GABRB1: variants seen among roughly 807,000 people sequenced by gnomAD.
GABRB1 encodes the protein gamma-aminobutyric acid type A receptor subunit beta1.
GABRB1 carries 17 observed loss-of-function variants against 51.6 expected under a neutral mutation model. The observed-to-expected ratio is 0.33, with a 90% CI of 0.23 to 0.49. The LOEUF (loss-of-function observed/expected upper bound fraction) is 0.49. GABRB1 is among the 20% of genes least tolerant of loss of function. The pLI is 0.99. For synonymous variants in GABRB1, 247 were observed against 218.9 expected, an observed-to-expected ratio of 1.13 and a Z score of -1.14; for missense variants, 410 against 600.6, an observed-to-expected ratio of 0.68 and a Z score of 3.32.
intron 1 of GABRB1, among the ~76,000 whole-genome samples, chr4:46,996,334 C>T (rs1289002483): frequency 6.6e-6 from 1 of 151,856 alleles, no homozygotes; most frequent in African/African-American, 2.4e-5. Flanking sequence ...GTACACTATC[C>T]CCAAATATCA....
intron 4 of GABRB1, among the ~76,000 whole-genome samples, chr4:47,297,097 C>A (rs1447792663): frequency 1.3e-5 from 2 of 152,092 alleles, no homozygotes; most frequent in African/African-American, 4.8e-5. Context: ...ATCTCTGGGA[C>A]ACATTCAAAG....
chr4:47,294,220 G>T (rs1472814837), intron 4 of GABRB1, among the ~76,000 whole-genome samples: 3 of 152,254 alleles, frequency 2.0e-5, no homozygotes, highest in East Asian at 1.9e-4. Context: ...TGAGGTACTG[G>T]GTTCATCTCA....
At chr4:47,379,238 T>C (rs1727507279) in intron 5 of GABRB1, among the ~76,000 whole-genome samples, 5 of 152,158 alleles carry the variant, frequency 3.3e-5, no homozygotes. Flanking sequence ...CTGAACATAC[T>C]ATACCACAGA....
chr4:47,353,211 T>A (rs1726425200), intron 5 of GABRB1, among the ~76,000 whole-genome samples: 1 of 152,204 alleles, frequency 6.6e-6, no homozygotes, highest in Non-Finnish European at 1.5e-5. Flanking sequence ...ATGGGAATTA[T>A]GGAAGTAAAA....
At chr4:47,018,761 A>G (rs1172656651) in intron 1 of GABRB1, among the ~76,000 whole-genome samples, 1 of 152,206 alleles carries the variant, frequency 6.6e-6, no homozygotes, top group Non-Finnish European at 1.5e-5. Context: ...GTGGAAGTGG[A>G]TCATCCTAAA....
chr4:47,032,956 T>C (rs1193725946), intron 3 of GABRB1: 2 of 349,550 alleles, frequency 5.7e-6, no homozygotes, highest in Non-Finnish European at 1.1e-5. Context: ...GAGAGCACAG[T>C]CTGGGTTTCA....
chr4:47,413,412 T>C (rs1242464987), intron 8 of GABRB1, among the ~76,000 whole-genome samples: 4 of 152,208 alleles, frequency 2.6e-5, no homozygotes, highest in Non-Finnish European at 5.9e-5. Flanking sequence ...AATATGTCAA[T>C]AACAAAGCAA....
intron 5 of GABRB1, among the ~76,000 whole-genome samples, chr4:47,390,760 C>G (rs1183292654): frequency 6.6e-6 from 1 of 152,184 alleles, no homozygotes; most frequent in Non-Finnish European, 1.5e-5. Context: ...AATTGATGTT[C>G]TCACTCTGTG....
chr4:47,143,367 T>G (rs534015450), intron 3 of GABRB1, among the ~76,000 whole-genome samples: 59 of 151,982 alleles, frequency 3.9e-4, no homozygotes, highest in Admixed American at 7.9e-4. Context: ...TCTTTCCCGG[T>G]ATTATTTTCC....
chr4:47,299,549 C>T (rs1189118426), intron 4 of GABRB1, among the ~76,000 whole-genome samples: 1 of 152,196 alleles, frequency 6.6e-6, no homozygotes, highest in African/African-American at 2.4e-5. Context: ...GATACCATCT[C>T]ACACCAGTTA....
At chr4:47,253,875 A>G (rs769790344) in intron 4 of GABRB1, among the ~76,000 whole-genome samples, 1 of 152,206 alleles carries the variant, frequency 6.6e-6, no homozygotes, top group Non-Finnish European at 1.5e-5. Context: ...CTTTAGTAAA[A>G]TAGTTAATGG....
At chr4:47,325,403 C>T (rs1725226042) in intron 5 of GABRB1, among the ~76,000 whole-genome samples, 1 of 150,256 alleles carries the variant, frequency 6.7e-6, no homozygotes, top group African/African-American at 2.5e-5. Flanking sequence ...CCATTGCACT[C>T]CAGCCTGAGG....
chr4:47,216,861 G>A (rs1720574694), intron 4 of GABRB1, among the ~76,000 whole-genome samples: 1 of 151,844 alleles, frequency 6.6e-6, no homozygotes, highest in African/African-American at 2.4e-5. Context: ...CCCTAAGTTT[G>A]CACTCTCACA....
chr4:47,067,604 G>A (rs565950874), intron 3 of GABRB1, among the ~76,000 whole-genome samples: 1 of 151,414 alleles, frequency 6.6e-6, no homozygotes, highest in Non-Finnish European at 1.5e-5. Context: ...TTTTTTCTGA[G>A]CATGAGTATA....
intron 3 of GABRB1, among the ~76,000 whole-genome samples, chr4:47,076,824 C>G (rs916768269): frequency 6.6e-6 from 1 of 152,120 alleles, no homozygotes; most frequent in African/African-American, 2.4e-5. Flanking sequence ...GCTTCCCTTC[C>G]GAGCACACTC....
intron 3 of GABRB1, among the ~76,000 whole-genome samples, chr4:47,058,899 G>C (rs1726732282): frequency 6.6e-6 from 1 of 152,148 alleles, no homozygotes; most frequent in Non-Finnish European, 1.5e-5. Context: ...AAGAAACAAA[G>C]CATAGGCTAA....
chr4:47,001,349 A>G lies in GABRB1; in HGVS notation c.-20+7423A>G, dbSNP rs150090995. 3.9e-3 allele frequency among the ~76,000 whole-genome samples: 588 copies of G among 152,114 alleles called. 2 individuals are homozygous for G. The highest frequency in any genetic ancestry group is 4.9e-3 in the Non-Finnish European group (333 of 68,022). On this transcript the variant is annotated intron_variant, in intron 1 of 3. Transcript: ENST00000513567. ...AGTAGAGATGTGGTTTCACCGTGTT[A>G]GCCAGGATGGTCTGAATCTCCTGAC...
At chr4:47,206,326 A>C (rs1288346461) in intron 4 of GABRB1, among the ~76,000 whole-genome samples, 1 of 152,042 alleles carries the variant, frequency 6.6e-6, no homozygotes, top group Non-Finnish European at 1.5e-5. Flanking sequence ...AAGGAATGCC[A>C]AGGGTAGAAA....
intron 4 of GABRB1, among the ~76,000 whole-genome samples, chr4:47,280,285 C>T (rs781424053): frequency 6.6e-6 from 1 of 151,822 alleles, no homozygotes; most frequent in Non-Finnish European, 1.5e-5. Context: ...CTTTTACTCT[C>T]TTCCCCCCCA....
Sources: allele counts gnomAD v4.1 joint callset (sites outside exome capture counted in the v4.1 genomes callset), GRCh38; gene constraint gnomAD v4.1.1; transcripts MANE v1.5; gene names NCBI Gene and HGNC (gene_info 2026-07-23, HGNC 2026-07-21).